PLCH2: variants seen among roughly 807,000 people sequenced by gnomAD.
The protein encoded by PLCH2 is phospholipase C eta 2.
PLCH2 carries 98 observed loss-of-function variants against 134.7 expected under a neutral mutation model. The ratio of observed to expected loss-of-function variants is 0.73; its 90% CI spans 0.62 to 0.86. The LOEUF is 0.86. Among genes scored for constraint, PLCH2 ranks in the 40% least tolerant of loss-of-function variants. PLCH2 has a pLI of 0.00. For synonymous variants in PLCH2, 974 were observed against 827.5 expected (o/e 1.18, Z -3.04); for missense variants, 1,994 against 1,986.6 (o/e 1.00, Z -0.07).
intron 2 of PLCH2, among the ~76,000 whole-genome samples, chr1:2,454,343 CT>C: frequency 6.6e-6 from 1 of 152,298 alleles, no homozygotes; most frequent in East Asian, 1.9e-4. Context: ...GGTCTTAGGG[CT>C]GCCTCTGCAG....
upstream of PLCH2, among the ~76,000 whole-genome samples, chr1:2,474,220 G>A (rs1240473596): frequency 6.6e-6 from 1 of 152,068 alleles, no homozygotes; most frequent in African/African-American, 2.4e-5. Flanking sequence ...CAGCACGTGG[G>A]GAGGGGTTCT....
upstream of PLCH2, among the ~76,000 whole-genome samples, chr1:2,424,906 G>A (rs1463657345): frequency 1.3e-5 from 2 of 152,040 alleles, no homozygotes; most frequent in Admixed American, 6.6e-5. Context: ...GAATGGTGTG[G>A]ACCCGGGAGG....
intron 11 of PLCH2, among the ~76,000 whole-genome samples, chr1:2,491,645 G>C (rs999654204): frequency 6.6e-6 from 1 of 152,232 alleles, no homozygotes; most frequent in Non-Finnish European, 1.5e-5. Context: ...CACATGGAGC[G>C]AATGGCCCTC....
intron 2 of PLCH2, among the ~76,000 whole-genome samples, chr1:2,445,085 G>A (rs140666838): frequency 6.3e-4 from 96 of 152,188 alleles, no homozygotes; most frequent in Admixed American, 1.5e-3. Context: ...GGGAGAAGTC[G>A]TCTCTAAATT....
intron 1 of PLCH2, among the ~76,000 whole-genome samples, chr1:2,427,808 C>A (rs762573624): frequency 1.3e-5 from 2 of 152,050 alleles, no homozygotes; most frequent in Non-Finnish European, 2.9e-5. Context: ...AGTGGGAGCC[C>A]TCCGGGGGTG....
At chr1:2,447,203 A>G (rs1639982284) in intron 2 of PLCH2, among the ~76,000 whole-genome samples, 1 of 152,186 alleles carries the variant, frequency 6.6e-6, no homozygotes, top group Non-Finnish European at 1.5e-5. Flanking sequence ...GATGGCAGAA[A>G]CGAGCAACCT....
rs370008408 is a variant in PLCH2, at chr1:2,482,582, C to A, written c.646-1866C>A. On this transcript the variant is annotated intron_variant, in intron 4 of 21. Transcript: ENST00000378486. ...TGGGCACACAGCCTGTCCCTGGGGT[C>A]CTGACCCACCTTCATGCCAAGCCGT... Among the ~76,000 whole-genome samples the A allele has an allele frequency of 3.1e-3, 474 of 152,334 alleles. 2 individuals are homozygous for A. The highest frequency in any genetic ancestry group is 0.011 in the African/African-American group (457 of 41,582).
intron 2 of PLCH2, 84 bp from the exon 3 acceptor site, chr1:2,479,650 C>A: frequency 7.1e-7 from 1 of 1,415,110 alleles, no homozygotes; most frequent in Admixed American, 2.3e-5. Flanking sequence ...CTCCCGGCTG[C>A]TTGGTCTCCG....
chr1:2,496,538 C>T lies in PLCH2; in HGVS notation c.1836-69C>T, dbSNP rs541927807. On this transcript the variant is annotated intron_variant, in intron 13 of 21. Coordinates refer to ENST00000378486, the MANE Select transcript of PLCH2 (RefSeq NM_014638.4). ...ATGAGGCTGCCCGAGCCCTGGAGCCCGTCTCACGGAGCTGGGTGCCAGGCT... is the reference window on the plus strand; with the variant it reads ...ATGAGGCTGCCCGAGCCCTGGAGCCTGTCTCACGGAGCTGGGTGCCAGGCT... The T allele has an allele frequency of 8.4e-5, 109 of 1,296,066 alleles. No individual in the cohort carries two copies. In the African/African-American group the frequency reaches 1.2e-3, roughly 14 times the overall value. 80.3% of individuals were successfully genotyped at this position (1,296,066 alleles called of 1,614,324 possible).
At chr1:2,435,620 C>T (rs964046349) in intron 2 of PLCH2, among the ~76,000 whole-genome samples, 5 of 152,036 alleles carry the variant, frequency 3.3e-5, no homozygotes, top group East Asian at 1.9e-4. Flanking sequence ...TGGCAGGGCC[C>T]GAGTGCAGCG....
At chr1:2,502,658 C>T (rs2100743892) in intron 21 of PLCH2, 1 of 688,176 alleles carries the variant, frequency 1.5e-6, no homozygotes, top group Non-Finnish European at 2.7e-6. Flanking sequence ...CTGCTGTGGC[C>T]TGGACCCTCA....
rs756194318 is a variant in PLCH2 at position 2,502,342 on chromosome 1, GC to G, written c.2898del (p.Gly969AspfsTer77). 23 of 1,535,016 alleles carry G rather than the reference GC, an allele frequency of 1.5e-5. No individual in the cohort carries two copies. Among genetic ancestry groups the G allele is most frequent in the Non-Finnish European group, 1.8e-5 (20 of 1,141,914 alleles). Reference protein sequence around the residue: ...GSKGVADDVVPPGPGPAPEAP... With the variant: ...GSKGVADDVVXPGPGPAPEAP... Reference sequence around the variant, plus strand: ...CCAAGGGGGTGGCAGACGATGTGGTGCCCCCCGGGCCCGGACCTGCTCCGGA... The same window carrying G: ...CCAAGGGGGTGGCAGACGATGTGGTGCCCCCGGGCCCGGACCTGCTCCGGA... On this transcript the variant is annotated frameshift_variant, in exon 21 of 22. Coordinates refer to ENST00000378486, the MANE Select transcript of PLCH2 (RefSeq NM_014638.4). LOFTEE classifies it high-confidence loss of function.
At chr1:2,482,206 T>A (rs1296717523) in intron 4 of PLCH2, among the ~76,000 whole-genome samples, 2 of 152,210 alleles carry the variant, frequency 1.3e-5, no homozygotes, top group African/African-American at 4.8e-5. Context: ...TCCGAGCATT[T>A]TTGTTCCTGC....
intron 10 of PLCH2, 96 bp downstream of exon 10, chr1:2,489,963 C>T: frequency 3.2e-6 from 3 of 931,134 alleles, no homozygotes; most frequent in South Asian, 2.7e-5. Flanking sequence ...GAAAGGGAGG[C>T]ATCCGGGAGA....
At chr1:2,478,749 C>T in intron 2 of PLCH2, 127 bp downstream of exon 2, 2 of 961,306 alleles carry the variant, frequency 2.1e-6, no homozygotes, top group Non-Finnish European at 3.1e-6. Context: ...CCTCTGGGCT[C>T]AGTGGCCTTG....
At chr1:2,434,760 G>T (rs1292891195) in intron 2 of PLCH2, among the ~76,000 whole-genome samples, 1 of 152,220 alleles carries the variant, frequency 6.6e-6, no homozygotes, top group Non-Finnish European at 1.5e-5. Context: ...CCACTCTGGG[G>T]CCATGCAAGC....
chr1:2,447,606 G>T (rs992734651), intron 2 of PLCH2, among the ~76,000 whole-genome samples: 1 of 152,234 alleles, frequency 6.6e-6, no homozygotes, highest in African/African-American at 2.4e-5. Flanking sequence ...TGACCCTGGA[G>T]AGACTGGAAG....
In PLCH2 at chr1:2,504,982, C is replaced by A; in HGVS notation, c.4020C>A (p.Ser1340=). 1 of 1,549,386 alleles carries A rather than the reference C, an allele frequency of 6.5e-7. No homozygotes were observed. The highest frequency in any genetic ancestry group is 8.7e-7 in the Non-Finnish European group (1 of 1,151,212). ...GGPGFVRRSS[S]RSHSRVRAIA... ...CTGGTTTTGTGCGGCGCTCCTCCTC[C>A]CGCAGCCACAGCCGCGTGCGTGCCA... Residue 1340 remains serine, a synonymous_variant, in exon 22 of 22, where the codon TCC becomes TCA. Transcript: ENST00000378486.
chr1:2,467,405 G>A (rs915397472), upstream of PLCH2: 1 of 386,916 alleles, frequency 2.6e-6, no homozygotes, highest in Non-Finnish European at 4.6e-6. Flanking sequence ...CCACGGGAGG[G>A]GCGGTCCCAG....
Sources: allele counts gnomAD v4.1 joint callset (sites outside exome capture counted in the v4.1 genomes callset), GRCh38; gene constraint gnomAD v4.1.1; transcripts MANE v1.5; gene names NCBI Gene and HGNC (gene_info 2026-07-23, HGNC 2026-07-21).